Variants in FBXO34 observed in about 807,000 individuals in gnomAD.
FBXO34 encodes the protein F-box only protein 34.
In FBXO34, 12 loss-of-function variants were observed where a neutral mutation model predicts 24.5. The ratio of observed to expected loss-of-function variants is 0.49; its 90% CI spans 0.31 to 0.79. The LOEUF (loss-of-function observed/expected upper bound fraction) is 0.79. FBXO34 is among the 30% of genes least tolerant of loss of function. The probability of loss-of-function intolerance (pLI) is 0.04; values close to 1 mark genes in which losing one functional copy is unlikely to be tolerated. For synonymous variants in FBXO34, 320 were observed against 311.9 expected, an observed-to-expected ratio of 1.03 and a Z score of -0.27; for missense variants, 823 against 857.7, an observed-to-expected ratio of 0.96 and a Z score of 0.51.
chr14:55,440,847 A>AG, the FBXO34 span, among the ~76,000 whole-genome samples: 1 of 150,780 alleles, frequency 6.6e-6, no homozygotes, highest in African/African-American at 2.5e-5. Context: ...ATGGAAAGTG[A>AG]GAAAAAAAAA....
At chr14:55,433,941 CTGT>C in the FBXO34 span, among the ~76,000 whole-genome samples, 4 of 152,060 alleles carry the variant, frequency 2.6e-5, no homozygotes, top group African/African-American at 9.7e-5. Context: ...ATTTGAATGC[CTGT>C]TATGTTTCAG....
downstream of FBXO34, among the ~76,000 whole-genome samples, chr14:55,363,976 C>G (rs1340002017): frequency 2.0e-5 from 3 of 151,206 alleles, no homozygotes. Flanking sequence ...CAGAGTTTCG[C>G]TCTTGTTGCC....
At chr14:55,348,859 C>A (rs1356169278) in intron 1 of FBXO34, among the ~76,000 whole-genome samples, 1 of 151,716 alleles carries the variant, frequency 6.6e-6, no homozygotes, top group Non-Finnish European at 1.5e-5. Flanking sequence ...AAACTGATAA[C>A]CTGAAATCAG....
downstream of FBXO34, among the ~76,000 whole-genome samples, chr14:55,363,479 C>T (rs1884620867): frequency 6.6e-6 from 1 of 151,890 alleles, no homozygotes; most frequent in African/African-American, 2.4e-5. Context: ...AGGTGCCCAC[C>T]ACCACACCCG....
At chr14:55,359,738 T>C (rs1413109056) in intron 3 of FBXO34, among the ~76,000 whole-genome samples, 1 of 152,124 alleles carries the variant, frequency 6.6e-6, no homozygotes, top group African/African-American at 2.4e-5. Context: ...ATAACTTACT[T>C]CAAAATCTCA....
At chr14:55,401,416 T>G in the FBXO34 span, among the ~76,000 whole-genome samples, 1 of 152,222 alleles carries the variant, frequency 6.6e-6, no homozygotes. Context: ...TGTTGTTGTT[T>G]AATGACACTA....
At chr14:55,370,658 T>C (rs1015822312), downstream of FBXO34, among the ~76,000 whole-genome samples, 2 of 152,078 alleles carry the variant, frequency 1.3e-5, no homozygotes, top group African/African-American at 4.8e-5. Context: ...TTTTTTTTTA[T>C]TTAGACAGAG....
the FBXO34 span, among the ~76,000 whole-genome samples, chr14:55,425,902 A>G: frequency 2.0e-5 from 3 of 152,240 alleles, no homozygotes; most frequent in Non-Finnish European, 4.4e-5. Context: ...TCATCCTAGC[A>G]TCTGCTACAT....
intron 1 of FBXO34, among the ~76,000 whole-genome samples, chr14:55,324,629 A>G (rs563884364): frequency 6.6e-6 from 1 of 152,248 alleles, no homozygotes; most frequent in South Asian, 2.1e-4. Flanking sequence ...TTTCTCAGTA[A>G]TATGATAGCT....
At chr14:55,282,947 T>C (rs1429317502) in intron 1 of FBXO34, among the ~76,000 whole-genome samples, 1 of 152,190 alleles carries the variant, frequency 6.6e-6, no homozygotes, top group Non-Finnish European at 1.5e-5. Flanking sequence ...AGAGGCAAAC[T>C]TGTTTCCAAA....
rs1881395984 is a variant in FBXO34 at position 55,277,862 on chromosome 14, C to T, written c.-11+6325C>T. 1.3e-5 allele frequency among the ~76,000 whole-genome samples: 2 copies of T among 152,028 alleles called. 1 individual carries two copies. Among genetic ancestry groups the T allele is most frequent in the South Asian group, 4.1e-4 (2 of 4,822 alleles). On this transcript the variant is annotated intron_variant, in intron 1 of 1. Coordinates refer to ENST00000313833, the MANE Select transcript of FBXO34 (RefSeq NM_017943.4). ...ATATCCCTTTTTACTTTGGCTTATTCAGGATCCTGTAGCAAGATCATTTGC... is the reference window on the plus strand; with the variant it reads ...ATATCCCTTTTTACTTTGGCTTATTTAGGATCCTGTAGCAAGATCATTTGC...
chr14:55,345,763 AGGCCAAGGTGGGAGGC>A (rs1884139967), intron 1 of FBXO34, among the ~76,000 whole-genome samples: 2 of 152,194 alleles, frequency 1.3e-5, no homozygotes, highest in Admixed American at 1.3e-4. Context: ...ATACTTTGGG[AGGCCAAGGTGGGAGGC>A]TTACCTGAGC....
At chr14:55,325,227 C>A (rs112503208) in intron 1 of FBXO34, among the ~76,000 whole-genome samples, 1,699 of 152,330 alleles carry the variant, frequency 0.011, 14 homozygotes, top group Middle Eastern at 0.027. Context: ...TGGGCTTGCA[C>A]AGTACTATTT....
chr14:55,281,103 A>G (rs1881525289), intron 1 of FBXO34, among the ~76,000 whole-genome samples: 1 of 152,126 alleles, frequency 6.6e-6, no homozygotes, highest in African/African-American at 2.4e-5. Context: ...CTTAAAGCAT[A>G]TCCCTTTGGG....
At chr14:55,430,061 T>C in the FBXO34 span, among the ~76,000 whole-genome samples, 1 of 152,184 alleles carries the variant, frequency 6.6e-6, no homozygotes, top group Non-Finnish European at 1.5e-5. Context: ...TCTGTCCTGC[T>C]GCACCCCTAA....
intron 1 of FBXO34, among the ~76,000 whole-genome samples, chr14:55,305,685 T>C (rs1316784094): frequency 6.6e-6 from 1 of 151,654 alleles, no homozygotes; most frequent in African/African-American, 2.4e-5. Flanking sequence ...AAAAAAAGTC[T>C]TAAAGCCTCT....
At chr14:55,372,459 G>A (rs1252967514), downstream of FBXO34, among the ~76,000 whole-genome samples, 1 of 152,106 alleles carries the variant, frequency 6.6e-6, no homozygotes, top group Non-Finnish European at 1.5e-5. Context: ...CCTCAGAACT[G>A]ACTGCCAGGC....
the FBXO34 span, chr14:55,433,809 A>G: frequency 2.5e-6 from 3 of 1,188,722 alleles, no homozygotes; most frequent in East Asian, 2.4e-5. Flanking sequence ...TGAAAATCTC[A>G]AACAGATTGG....
chr14:55,440,424 T>C, the FBXO34 span: 1 of 1,612,784 alleles, frequency 6.2e-7, no homozygotes, highest in Non-Finnish European at 8.5e-7. Flanking sequence ...CAGGTAGAGC[T>C]CCAGGTAGGT....
Sources: allele counts gnomAD v4.1 joint callset (sites outside exome capture counted in the v4.1 genomes callset), GRCh38; gene constraint gnomAD v4.1.1; transcripts MANE v1.5; gene names NCBI Gene and HGNC (gene_info 2026-07-23, HGNC 2026-07-21).